The following EPB41L4A variants were observed in gnomAD, a reference collection of about 807,000 sequenced individuals.
EPB41L4A encodes the protein erythrocyte membrane protein band 4.1 like 4A.
A neutral mutation model predicts 108.6 loss-of-function variants in EPB41L4A; 100 were observed. The ratio of observed to expected loss-of-function variants is 0.92; its 90% CI spans 0.78 to 1.09. The LOEUF is 1.09. Ranked by LOEUF, EPB41L4A falls within the 50% of genes least tolerant of loss-of-function variation. EPB41L4A has a pLI of 0.00. For missense variants in EPB41L4A, 1,030 were observed against 842.7 expected, an observed-to-expected ratio of 1.22 and a Z score of -2.75; for synonymous variants, 319 against 289.0, an observed-to-expected ratio of 1.10 and a Z score of -1.05.
intron 3 of EPB41L4A, among the ~76,000 whole-genome samples, chr5:112,278,284 C>G (rs1252659100): frequency 6.7e-6 from 1 of 149,902 alleles, no homozygotes; most frequent in Non-Finnish European, 1.5e-5. Context: ...GAGTCTCGCT[C>G]TGTCATCCAG....
chr5:112,367,034 A>G (rs918112464), intron 1 of EPB41L4A, among the ~76,000 whole-genome samples: 1 of 152,116 alleles, frequency 6.6e-6, no homozygotes, highest in African/African-American at 2.4e-5. Flanking sequence ...CAGAGGACAC[A>G]CCTTTGAGCC....
intron 1 of EPB41L4A, among the ~76,000 whole-genome samples, chr5:112,393,182 T>C (rs891402598): frequency 5.3e-5 from 8 of 151,936 alleles, no homozygotes; most frequent in African/African-American, 1.9e-4. Context: ...TTAAAAGAAC[T>C]AGAGAAGCAA....
In EPB41L4A at chr5:112,148,127, A is replaced by G. The variant is rs897974377; in HGVS notation, n.995-2129T>C. ...TAGTATTACTATATAATATAATAATATAATAGTATTACTATATAATATAAT... is the reference window on the plus strand; with the variant it reads ...TAGTATTACTATATAATATAATAATGTAATAGTATTACTATATAATATAAT... On this transcript the variant is annotated intron_variant and non_coding_transcript_variant, in intron 12 of 13. Transcript: ENST00000507810. Among the ~76,000 whole-genome samples, 3 of 148,274 alleles carry G rather than the reference A, an allele frequency of 2.0e-5. No homozygotes were observed. In the South Asian group the frequency reaches 6.3e-4, roughly 31 times the overall value.
At chr5:112,292,332 C>T (rs894203759) in intron 2 of EPB41L4A, among the ~76,000 whole-genome samples, 4 of 152,182 alleles carry the variant, frequency 2.6e-5, no homozygotes, top group Admixed American at 1.3e-4. Flanking sequence ...AAGAAACTTC[C>T]TGAATATCCT....
chr5:112,246,178 T>C (rs1750202503), intron 9 of EPB41L4A, among the ~76,000 whole-genome samples: 1 of 152,300 alleles, frequency 6.6e-6, no homozygotes, highest in South Asian at 2.1e-4. Context: ...GGAGAAATTT[T>C]TTTTTCTTTT....
At chr5:112,185,187 A>G (rs1761366142) in intron 17 of EPB41L4A, among the ~76,000 whole-genome samples, 1 of 151,304 alleles carries the variant, frequency 6.6e-6, no homozygotes, top group Admixed American at 6.6e-5. Context: ...CAGAGTGTTC[A>G]TCTCCCAGGG....
intron 1 of EPB41L4A, among the ~76,000 whole-genome samples, chr5:112,370,388 T>C (rs1759418064): frequency 6.6e-6 from 1 of 152,114 alleles, no homozygotes; most frequent in Non-Finnish European, 1.5e-5. Flanking sequence ...TCTTGAATTT[T>C]AAAGAAATTT....
rs1279848465 is a variant in EPB41L4A at position 112,191,664 on chromosome 5, T to A, written c.1502+2904A>T. Among the ~76,000 whole-genome samples, 16 of 148,450 alleles carry A rather than the reference T, an allele frequency of 1.1e-4. No individual in the cohort carries two copies. In the East Asian group the frequency reaches 3.1e-3, roughly 29 times the overall value. On this transcript the variant is annotated intron_variant, in intron 17 of 22. Coordinates refer to ENST00000261486, the MANE Select transcript of EPB41L4A (RefSeq NM_022140.5). ...GGCCTCATGCCTAACAGAAAAGACC[T>A]CATTTATGTTTAAAAAAAAAAAAAA...
chr5:112,367,548 C>G (rs140482564), intron 1 of EPB41L4A, among the ~76,000 whole-genome samples: 38 of 152,322 alleles, frequency 2.5e-4, no homozygotes, highest in African/African-American at 8.9e-4. Context: ...TCCCACTCCG[C>G]ATCCCCCATC....
intron 12 of EPB41L4A, among the ~76,000 whole-genome samples, chr5:112,152,345 A>G (rs911665946): frequency 2.0e-5 from 3 of 152,204 alleles, no homozygotes; most frequent in African/African-American, 7.2e-5. Flanking sequence ...TAAAAATCCA[A>G]TCTTATGATA....
At chr5:112,370,322 C>A (rs1167098641) in intron 1 of EPB41L4A, among the ~76,000 whole-genome samples, 1 of 151,744 alleles carries the variant, frequency 6.6e-6, no homozygotes, top group Non-Finnish European at 1.5e-5. Context: ...CAGGTGTGAG[C>A]CACCACATAT....
intron 12 of EPB41L4A, among the ~76,000 whole-genome samples, chr5:112,230,213 T>C (rs1262166476): frequency 6.6e-6 from 1 of 152,170 alleles, no homozygotes; most frequent in East Asian, 1.9e-4. Flanking sequence ...GTCTTTCTTA[T>C]ATAATGACTT....
chr5:112,305,257 T>C (rs1035787661), intron 2 of EPB41L4A, among the ~76,000 whole-genome samples: 1 of 152,116 alleles, frequency 6.6e-6, no homozygotes, highest in Non-Finnish European at 1.5e-5. Flanking sequence ...AGCATACAAT[T>C]TCAACAAACA....
rs78847982 is a variant in EPB41L4A, at chr5:112,194,697, G to A, written c.1425-52C>T. 2.9e-4 allele frequency: 381 copies of A among 1,317,932 alleles called. 2 individuals carry two copies. In the African/African-American group the frequency reaches 4.8e-3, roughly 17 times the overall value. The allele number at this position is 1,317,932 out of a possible 1,614,324, so 81.6% of individuals were successfully genotyped here. ...GAAAAAACACACATTTATAACTCAC[G>A]AACAATTTCAGAAAGGTTTATATGG... On this transcript the variant is annotated intron_variant, in intron 16 of 22. Coordinates refer to ENST00000261486, the MANE Select transcript of EPB41L4A (RefSeq NM_022140.5).
intron 7 of EPB41L4A, among the ~76,000 whole-genome samples, chr5:112,260,447 C>T (rs536061962): frequency 2.6e-5 from 4 of 152,222 alleles, no homozygotes; most frequent in Admixed American, 1.3e-4. Flanking sequence ...GAACCACTGG[C>T]ATCTATCAAG....
intron 1 of EPB41L4A, among the ~76,000 whole-genome samples, chr5:112,381,251 G>A (rs116524482): frequency 0.034 from 5,135 of 152,220 alleles, 151 homozygotes; most frequent in African/African-American, 0.078. Context: ...CTTTTGGATT[G>A]CAGAATTGTA....
At chr5:112,347,844 C>G (rs554632004) in intron 1 of EPB41L4A, among the ~76,000 whole-genome samples, 98 of 152,296 alleles carry the variant, frequency 6.4e-4, no homozygotes, top group South Asian at 2.3e-3. Context: ...TCCGGTCCAG[C>G]TACCCAGCCA....
intron 15 of EPB41L4A, among the ~76,000 whole-genome samples, chr5:112,199,548 A>G (rs75831389): frequency 0.011 from 1,727 of 152,234 alleles, 22 homozygotes; most frequent in Non-Finnish European, 0.019. Flanking sequence ...CATACTTAAG[A>G]TTATATTTCG....
At chr5:112,282,961 A>C (rs1461123092) in intron 2 of EPB41L4A, among the ~76,000 whole-genome samples, 3 of 152,116 alleles carry the variant, frequency 2.0e-5, no homozygotes, top group Admixed American at 2.0e-4. Flanking sequence ...TCAGTCACTA[A>C]AGCCAGCTAA....
Sources: allele counts gnomAD v4.1 joint callset (sites outside exome capture counted in the v4.1 genomes callset), GRCh38; gene constraint gnomAD v4.1.1; transcripts MANE v1.5; gene names NCBI Gene and HGNC (gene_info 2026-07-23, HGNC 2026-07-21).